NXPE2: variants seen among roughly 807,000 people sequenced by gnomAD.
NXPE2 encodes neurexophilin and PC-esterase domain family member 2, also known as NXPE family member 2.
A neutral mutation model predicts 34.4 loss-of-function variants in NXPE2; 34 were observed. That is an observed-to-expected ratio of 0.99 (90% CI 0.75 to 1.31). NXPE2 has a LOEUF of 1.31. NXPE2 is among the 40% of genes most tolerant of loss of function. The pLI, the probability that NXPE2 is intolerant of heterozygous loss-of-function variation, is 0.00. For missense variants in NXPE2, 649 were observed against 672.5 expected, an observed-to-expected ratio of 0.97 and a Z score of 0.39; for synonymous variants, 235 against 231.3, an observed-to-expected ratio of 1.02 and a Z score of -0.15.
the NXPE2 span, among the ~76,000 whole-genome samples, chr11:114,774,246 G>A: frequency 6.6e-6 from 1 of 152,206 alleles, no homozygotes; most frequent in African/African-American, 2.4e-5. Context: ...CAGAGAGAAG[G>A]CACAACATGG....
chr11:114,759,039 C>T, the NXPE2 span, among the ~76,000 whole-genome samples: 24 of 152,136 alleles, frequency 1.6e-4, no homozygotes, highest in Admixed American at 1.5e-3. Flanking sequence ...CTCACACCCA[C>T]ACTCCACAGC....
At chr11:114,519,189 AT>A in the NXPE2 span, among the ~76,000 whole-genome samples, 1 of 151,012 alleles carries the variant, frequency 6.6e-6, no homozygotes, top group Non-Finnish European at 1.5e-5. Context: ...AATTATACAT[AT>A]TTTTCTAAAG....
At chr11:114,710,809 C>A (rs1016748329), downstream of NXPE2, among the ~76,000 whole-genome samples, 1 of 151,914 alleles carries the variant, frequency 6.6e-6, no homozygotes, top group Non-Finnish European at 1.5e-5. Flanking sequence ...AGGCTGATAT[C>A]CCTGATAAGC....
chr11:114,603,599 T>C, the NXPE2 span, among the ~76,000 whole-genome samples: 133 of 151,196 alleles, frequency 8.8e-4, no homozygotes, highest in African/African-American at 3.0e-3. Flanking sequence ...TATTACCTGG[T>C]GGATGATAAG....
chr11:114,704,290 T>C (rs1344814007), intron 4 of NXPE2, among the ~76,000 whole-genome samples: 1 of 151,776 alleles, frequency 6.6e-6, no homozygotes, highest in Admixed American at 6.6e-5. Flanking sequence ...TTAACTTCAG[T>C]GGCACTGCCT....
At chr11:114,517,836 C>A in the NXPE2 span, 1 of 152,338 alleles carries the variant, frequency 6.6e-6, no homozygotes, top group African/African-American at 2.4e-5. Context: ...ATAAACCATG[C>A]CCTGATGGAG....
At chr11:114,659,509 G>A in the NXPE2 span, among the ~76,000 whole-genome samples, 1 of 146,116 alleles carries the variant, frequency 6.8e-6, no homozygotes, top group Admixed American at 6.9e-5. Context: ...AATATCAAGT[G>A]GTCTAACAAA....
the NXPE2 span, among the ~76,000 whole-genome samples, chr11:114,588,361 T>G: frequency 1.3e-5 from 2 of 152,280 alleles, no homozygotes; most frequent in South Asian, 4.1e-4. Context: ...AGGCCAATTT[T>G]CTGATGACCC....
the NXPE2 span, chr11:114,553,874 A>G: frequency 1.0e-6 from 1 of 968,186 alleles, no homozygotes; most frequent in Non-Finnish European, 1.2e-6. Context: ...ATAGGCCATG[A>G]TGGGTACATT....
rs1465608220 is a variant in NXPE2, at chr11:114,679,658, A to C, written c.28A>C (p.Ile10Leu). The C allele has an allele frequency of 2.0e-6, 3 of 1,531,456 alleles. No individual in the cohort carries two copies. Among genetic ancestry groups the C allele is most frequent in the Non-Finnish European group, 2.7e-6 (3 of 1,129,238 alleles). The allele number at this position is 1,531,456 out of a possible 1,614,324, so 94.9% of individuals were successfully genotyped here. A position where few individuals can be genotyped will look rare whatever the true frequency, so the allele number is the denominator to read the frequency against. The change falls in exon 2 of 6, where the codon ATA becomes CTA. Residue 10 changes from isoleucine to leucine, a missense_variant and splice_region_variant. Physicochemically the swap from Ile to Leu is conservative, Grantham distance 5. Coordinates refer to ENST00000389586, the MANE Select transcript of NXPE2 (RefSeq NM_182495.6). MVEKILIHRILTLFPNAIAR... is the reference protein window; with the variant it reads MVEKILIHRLLTLFPNAIAR... Reference sequence around the variant, plus strand: ...TATTTCTCCTGTCCTTTCTTATAGGATACTCACTTTGTTTCCAAATGCCAT... The same window carrying C: ...TATTTCTCCTGTCCTTTCTTATAGGCTACTCACTTTGTTTCCAAATGCCAT...
chr11:114,522,862 A>G, the NXPE2 span: 1 of 1,560,274 alleles, frequency 6.4e-7, no homozygotes, highest in Middle Eastern at 1.7e-4. Context: ...CTAAGAGAAT[A>G]TAAAGTAACT....
At chr11:114,537,875 C>T in the NXPE2 span, among the ~76,000 whole-genome samples, 2 of 151,894 alleles carry the variant, frequency 1.3e-5, no homozygotes, top group South Asian at 4.2e-4. Context: ...TTTATAGATT[C>T]AATGCCATCC....
the NXPE2 span, among the ~76,000 whole-genome samples, chr11:114,566,635 T>G: frequency 6.6e-6 from 1 of 152,028 alleles, no homozygotes; most frequent in African/African-American, 2.4e-5. Context: ...TCAAGAAGGT[T>G]TTATAAAAAG....
the NXPE2 span, among the ~76,000 whole-genome samples, chr11:114,477,798 C>A: frequency 3.6e-5 from 5 of 140,656 alleles, no homozygotes; most frequent in Non-Finnish European, 6.5e-5. Flanking sequence ...AATACTTGAA[C>A]AATTCAAGTA....
chr11:114,484,792 T>C, the NXPE2 span, among the ~76,000 whole-genome samples: 2 of 152,230 alleles, frequency 1.3e-5, no homozygotes, highest in Non-Finnish European at 1.5e-5. Flanking sequence ...TATATCACTT[T>C]AGTCTTTCAA....
At chr11:114,526,669 T>C in the NXPE2 span, 3 of 152,188 alleles carry the variant, frequency 2.0e-5, no homozygotes, top group Admixed American at 6.5e-5. Flanking sequence ...CATTGGCCTA[T>C]TGAAGAAGTC....
At chr11:114,730,217 T>C in the NXPE2 span, among the ~76,000 whole-genome samples, 1 of 152,054 alleles carries the variant, frequency 6.6e-6, no homozygotes, top group Non-Finnish European at 1.5e-5. Context: ...ACTGTAGGAG[T>C]ATGCCTTTAT....
the NXPE2 span, among the ~76,000 whole-genome samples, chr11:114,470,428 G>T: frequency 6.6e-6 from 1 of 152,164 alleles, no homozygotes; most frequent in East Asian, 1.9e-4. Flanking sequence ...GTTTTAATTT[G>T]CATTTCCCTA....
At chr11:114,694,471 T>C (rs184410653) in intron 2 of NXPE2, among the ~76,000 whole-genome samples, 1 of 152,346 alleles carries the variant, frequency 6.6e-6, no homozygotes, top group East Asian at 1.9e-4. Flanking sequence ...CCTGGATCTA[T>C]GGCTTGGTGT....
Sources: gnomAD v4.1 joint callset for allele counts (sites outside exome capture counted in the v4.1 genomes callset) on GRCh38, gnomAD v4.1.1 for gene constraint, MANE v1.5 for transcripts, NCBI Gene and HGNC (gene_info 2026-07-23, HGNC 2026-07-21) for gene names.